RASGRP3: variants seen among roughly 807,000 people sequenced by gnomAD.
The protein encoded by RASGRP3 is ras guanyl-releasing protein 3.
RASGRP3 carries 54 observed loss-of-function variants against 82.7 expected under a neutral mutation model. The observed-to-expected ratio is 0.65, with a 90% CI of 0.52 to 0.82. The LOEUF (loss-of-function observed/expected upper bound fraction) is 0.82, where lower values mean the gene tolerates loss of function less well. RASGRP3 is among the 40% of genes least tolerant of loss of function. RASGRP3 has a pLI of 0.00. For synonymous variants in RASGRP3, 309 were observed against 300.5 expected, an observed-to-expected ratio of 1.03 and a Z score of -0.29; for missense variants, 861 against 828.9, an observed-to-expected ratio of 1.04 and a Z score of -0.48.
chr2:33,473,976 C>A (rs905095156), upstream of RASGRP3, among the ~76,000 whole-genome samples: 2 of 106,192 alleles, frequency 1.9e-5, no homozygotes, highest in African/African-American at 7.2e-5. Context: ...AGATCCCTCG[C>A]GTGCACAGTT....
chr2:33,551,917 C>T (rs1381237084), intron 14 of RASGRP3, among the ~76,000 whole-genome samples: 6 of 151,956 alleles, frequency 3.9e-5, no homozygotes, highest in African/African-American at 7.3e-5. Context: ...GGCGTGAACC[C>T]GGGAGGCGGA....
chr2:33,527,113 T>G (rs1306127306), intron 9 of RASGRP3, 24 bp from the exon 10 acceptor site: 1 of 1,611,492 alleles, frequency 6.2e-7, no homozygotes, highest in Non-Finnish European at 8.5e-7. Flanking sequence ...TGTTTGAAAA[T>G]TCTACTTTTC....
rs574274567 is a variant in RASGRP3, at chr2:33,493,510, G to C, written c.-261+16803G>C. 5.3e-5 allele frequency among the ~76,000 whole-genome samples: 8 copies of C among 152,270 alleles called. No individual in the cohort carries two copies. The South Asian group carries it at 1.7e-3, about 32-fold the overall frequency. On this transcript the variant is annotated intron_variant, in intron 1 of 17. Transcript: ENST00000403687. ...TAAAAGAAACCAGCAAAATCTGTGG[G>C]ATTCAATGTGACAGGAGTAAATGAA...
At chr2:33,457,847 A>G (rs1157258169) in intron 2 of RASGRP3, among the ~76,000 whole-genome samples, 1 of 152,234 alleles carries the variant, frequency 6.6e-6, no homozygotes, top group Non-Finnish European at 1.5e-5. Context: ...GGTTAAAAAA[A>G]GTTTTAAAGT....
rs917075235 is a variant in RASGRP3, at chr2:33,522,035, A to G, written c.449A>G (p.His150Arg). 14 of 1,613,950 alleles carry G rather than the reference A, an allele frequency of 8.7e-6. No individual in the cohort carries two copies. The highest frequency in any genetic ancestry group is 1.7e-5 in the Admixed American group (1 of 60,002). ...GGAAAAGCCTGTCTGCTGTTTGACC[A>G]TCTGGAGCCCATTGAATTGGCTGAG... ...KKGKACLLFD[H>R]LEPIELAEHL... Residue 150 changes from histidine to arginine, a missense_variant, in exon 7 of 18, where the codon CAT becomes CGT. Coordinates refer to ENST00000403687, the MANE Select transcript of RASGRP3 (RefSeq NM_001139488.2).
chr2:33,443,471 G>C (rs1272196283), intron 1 of RASGRP3, among the ~76,000 whole-genome samples: 2 of 152,134 alleles, frequency 1.3e-5, no homozygotes, highest in Non-Finnish European at 2.9e-5. Flanking sequence ...TGTGTGGGCT[G>C]TTACATCACT....
chr2:33,537,320 A>ACAC lies in RASGRP3; in HGVS notation c.1162-1773_1162-1772insACC, dbSNP rs771052774. On this transcript the variant is annotated intron_variant, in intron 11 of 17. Coordinates refer to ENST00000403687, the MANE Select transcript of RASGRP3 (RefSeq NM_001139488.2). ...GTCTCTAAAATACACACACACACAC[A>ACAC]CCGCCCCCCCCACACACACACACAA... 4.5e-3 allele frequency among the ~76,000 whole-genome samples: 151 copies of ACAC among 33,236 alleles called. 3 individuals carry two copies. Among genetic ancestry groups the ACAC allele is most frequent in the South Asian group, 0.01 (13 of 1,278 alleles). 21.8% of individuals were successfully genotyped at this position (33,236 alleles called of 152,430 possible).
intron 2 of RASGRP3, among the ~76,000 whole-genome samples, chr2:33,462,106 A>G (rs182635430): frequency 8.2e-4 from 125 of 152,374 alleles, no homozygotes; most frequent in African/African-American, 2.5e-3. Flanking sequence ...TTGGTATCAA[A>G]TTAACATGGC....
chr2:33,485,761 T>C (rs57139801), intron 1 of RASGRP3, among the ~76,000 whole-genome samples: 2,121 of 152,288 alleles, frequency 0.014, 54 homozygotes, highest in African/African-American at 0.049. Context: ...ATTCTTTATG[T>C]TTTTAGAAGG....
intron 1 of RASGRP3, among the ~76,000 whole-genome samples, chr2:33,479,967 A>T (rs1021665455): frequency 6.6e-6 from 1 of 151,990 alleles, no homozygotes; most frequent in Non-Finnish European, 1.5e-5. Flanking sequence ...TGAGGAAGTT[A>T]TCAGTGTTTC....
rs1184940059 is a variant in RASGRP3 at position 33,524,434 on chromosome 2, G to C, written c.693G>C (p.Lys231Asn). The change falls in exon 9 of 18, where the codon AAG becomes AAC. Residue 231 changes from lysine to asparagine, a missense_variant and splice_region_variant. Lys to Asn is a moderately conservative substitution (Grantham distance 94). Transcript: ENST00000403687. The stretch of plus-strand genomic sequence containing the variant: ...GCATTGATGCATTTTTATTGCAGAA[G>C]CTCCTTCAGCTCAAAAATTTTAACA... Reference protein sequence around the residue: ...VITKFINVAKKLLQLKNFNTL... With the variant: ...VITKFINVAKNLLQLKNFNTL... The C allele has an allele frequency of 4.4e-6, 7 of 1,576,504 alleles. No individual in the cohort carries two copies. The highest frequency in any genetic ancestry group is 6.0e-6 in the Non-Finnish European group (7 of 1,159,910).
chr2:33,453,276 T>C (rs1377816230), intron 2 of RASGRP3, among the ~76,000 whole-genome samples: 1 of 152,218 alleles, frequency 6.6e-6, no homozygotes, highest in East Asian at 1.9e-4. Context: ...TTTGTTTCCT[T>C]TTGAAACCCC....
chr2:33,448,787 A>G (rs549800892), intron 2 of RASGRP3, among the ~76,000 whole-genome samples: 2 of 152,328 alleles, frequency 1.3e-5, no homozygotes, highest in South Asian at 4.1e-4. Flanking sequence ...ACTGAATAGT[A>G]CACGTAAAAA....
intron 15 of RASGRP3, among the ~76,000 whole-genome samples, chr2:33,557,514 C>A (rs1051701770): frequency 3.3e-5 from 5 of 151,988 alleles, no homozygotes; most frequent in Non-Finnish European, 7.4e-5. Flanking sequence ...TCGAGACCAT[C>A]CTGGCTAACA....
chr2:33,541,932 G>GT lies in RASGRP3; in HGVS notation c.1279-1573dup, dbSNP rs1432079112. 4.1e-5 allele frequency among the ~76,000 whole-genome samples: 6 copies of GT among 146,418 alleles called. 1 individual carries two copies. Among genetic ancestry groups the GT allele is most frequent in the Non-Finnish European group, 7.6e-5 (5 of 65,506 alleles). On this transcript the variant is annotated intron_variant, in intron 12 of 17. Transcript: ENST00000403687. ...ATCTTTGGTACTTTTATAGCTTTGGGTTTTTTTGCATTAAACTATATAATA... is the reference window on the plus strand; with the variant it reads ...ATCTTTGGTACTTTTATAGCTTTGGGTTTTTTTTGCATTAAACTATATAATA...
chr2:33,514,546 G>A (rs1318925657), intron 2 of RASGRP3, among the ~76,000 whole-genome samples: 4 of 148,934 alleles, frequency 2.7e-5, no homozygotes, highest in Non-Finnish European at 5.9e-5. Context: ...ATAGCCAGGA[G>A]TGGTGGTGTG....
intron 1 of RASGRP3, among the ~76,000 whole-genome samples, chr2:33,504,349 T>C (rs1305118987): frequency 6.6e-6 from 1 of 152,212 alleles, no homozygotes; most frequent in Non-Finnish European, 1.5e-5. Context: ...CCAGACTTAA[T>C]GGACTCATTG....
At chr2:33,528,996 G>C (rs1558490717) in intron 10 of RASGRP3, among the ~76,000 whole-genome samples, 2 of 152,312 alleles carry the variant, frequency 1.3e-5, no homozygotes, top group South Asian at 4.1e-4. Context: ...CAGTCTCCAT[G>C]TGGAGCCTAG....
chr2:33,488,048 C>T (rs1209548825), intron 1 of RASGRP3, among the ~76,000 whole-genome samples: 2 of 152,254 alleles, frequency 1.3e-5, no homozygotes, highest in African/African-American at 2.4e-5. Context: ...TTTATTTTCT[C>T]AATGGGAAAA....
Sources: gnomAD v4.1 joint callset for allele counts (sites outside exome capture counted in the v4.1 genomes callset) on GRCh38, gnomAD v4.1.1 for gene constraint, MANE v1.5 for transcripts, NCBI Gene and HGNC (gene_info 2026-07-23, HGNC 2026-07-21) for gene names.